Variants in MAP1B observed in about 807,000 individuals in gnomAD.
MAP1B encodes microtubule associated protein 1B.
Under a neutral mutation model 176.1 loss-of-function variants are expected in MAP1B, and 12 were observed. The observed-to-expected ratio is 0.07, with a 90% CI of 0.04 to 0.11. MAP1B has a LOEUF of 0.11. MAP1B is among the 10% of genes least tolerant of loss of function. The pLI, the probability that MAP1B is intolerant of heterozygous loss-of-function variation, is 1.00. For synonymous variants in MAP1B, 1,044 were observed against 1,135.0 expected, an observed-to-expected ratio of 0.92 and a Z score of 1.61; for missense variants, 2,523 against 2,990.5, an observed-to-expected ratio of 0.84 and a Z score of 3.65.
At position 72,191,616 on chromosome 5, in the gene MAP1B, G is replaced by A. The variant is rs1297781987; in HGVS notation, c.511-2250G>A. Among the ~76,000 whole-genome samples, 4 of 152,232 alleles carry A rather than the reference G, an allele frequency of 2.6e-5. No homozygotes were observed. In the East Asian group the frequency reaches 5.8e-4, roughly 22 times the overall value. The stretch of plus-strand genomic sequence containing the variant: ...AATTCCATCTGTCTGTTTTATGACT[G>A]AGGGCTCTGTCCAGCCCTGTCTCTG... On this transcript the variant is annotated intron_variant, in intron 4 of 6. Transcript: ENST00000296755.
chr5:72,176,075 T>A (rs1047127055), intron 2 of MAP1B, among the ~76,000 whole-genome samples: 4 of 152,184 alleles, frequency 2.6e-5, no homozygotes, highest in African/African-American at 9.7e-5. Context: ...AGAAAAGAAA[T>A]GTCATTTCTA....
chr5:72,183,707 A>G (rs1746830960), intron 2 of MAP1B, 36 bp from the exon 3 acceptor site: 1 of 1,560,742 alleles, frequency 6.4e-7, no homozygotes, highest in Admixed American at 1.7e-5. Context: ...GAAAAGCTAA[A>G]GGTCTCCTCT....
At chr5:72,111,713 C>T (rs1009054870) in intron 1 of MAP1B, among the ~76,000 whole-genome samples, 3 of 152,166 alleles carry the variant, frequency 2.0e-5, no homozygotes, top group Admixed American at 1.3e-4. Context: ...TGCTGAAACA[C>T]AAGGCAGTCC....
chr5:72,143,194 A>C (rs2112156220), intron 2 of MAP1B, among the ~76,000 whole-genome samples: 1 of 152,354 alleles, frequency 6.6e-6, no homozygotes, highest in African/African-American at 2.4e-5. Context: ...TTCCCAGAGA[A>C]GAAAATGTGA....
chr5:72,142,320 TCTG>T (rs1195174254), intron 2 of MAP1B, among the ~76,000 whole-genome samples: 1 of 152,192 alleles, frequency 6.6e-6, no homozygotes, highest in Non-Finnish European at 1.5e-5. Context: ...TGCTATGGGA[TCTG>T]CTCTGCCTGT....
chr5:72,132,804 C>A (rs148895373), intron 2 of MAP1B, among the ~76,000 whole-genome samples: 7 of 152,274 alleles, frequency 4.6e-5, no homozygotes, highest in Non-Finnish European at 8.8e-5. Context: ...ATTTTTTCCA[C>A]CAAATCTCAA....
At position 72,121,545 on chromosome 5, in the gene MAP1B, C is replaced by G. The variant is rs1207034132; in HGVS notation, c.286+5746C>G. ...TGTGCTGAGTGATTGCTAAAAACAT[C>G]TTGCCTGGAGATTGGTTTTCGATGG... On this transcript the variant is annotated intron_variant, in intron 2 of 6. Coordinates refer to ENST00000296755, the MANE Select transcript of MAP1B (RefSeq NM_005909.5). Among the ~76,000 whole-genome samples, 6 of 152,232 alleles carry G rather than the reference C, an allele frequency of 3.9e-5. No individual in the cohort carries two copies. In the East Asian group the frequency reaches 1.2e-3, roughly 29 times the overall value.
At chr5:72,164,734 C>T (rs1363887906) in intron 2 of MAP1B, among the ~76,000 whole-genome samples, 2 of 152,158 alleles carry the variant, frequency 1.3e-5, no homozygotes, top group South Asian at 2.1e-4. Flanking sequence ...TCTGCATATC[C>T]TCAGGGACAG....
intron 2 of MAP1B, among the ~76,000 whole-genome samples, chr5:72,163,916 C>CTTTTTTTTTTTT: frequency 1.0e-5 from 1 of 97,102 alleles, no homozygotes; most frequent in Admixed American, 1.3e-4. Flanking sequence ...CTCTCTCTCT[C>CTTTTTTTTTTTT]TTTTTTTTTT....
intron 4 of MAP1B, among the ~76,000 whole-genome samples, chr5:72,190,656 A>G (rs2112225777): frequency 6.6e-6 from 1 of 152,340 alleles, no homozygotes; most frequent in Non-Finnish European, 1.5e-5. Flanking sequence ...CCAAGTGAAT[A>G]CAGGCCAGAA....
chr5:72,180,097 A>G (rs1746734576), intron 2 of MAP1B, among the ~76,000 whole-genome samples: 1 of 152,074 alleles, frequency 6.6e-6, no homozygotes, highest in Non-Finnish European at 1.5e-5. Flanking sequence ...TCGCCTGGAC[A>G]TGGGTGTTGA....
chr5:72,205,034 G>A (rs188531487), intron 6 of MAP1B, 50 bp from the exon 7 acceptor site: 1 of 1,504,542 alleles, frequency 6.6e-7, no homozygotes, highest in South Asian at 1.3e-5. Flanking sequence ...TTTTTCATAT[G>A]GTTTCTGTTT....
chr5:72,120,060 C>T (rs1227825806), intron 2 of MAP1B, among the ~76,000 whole-genome samples: 1 of 152,120 alleles, frequency 6.6e-6, no homozygotes, highest in Non-Finnish European at 1.5e-5. Flanking sequence ...AGGATATCTC[C>T]CAGGGGTTGT....
Position 72,115,811 on chromosome 5 carries a change from G to T in MAP1B, c.286+12G>T. 1.9e-6 allele frequency: 3 copies of T among 1,582,488 alleles called. No homozygotes were observed. The highest frequency in any genetic ancestry group is 2.6e-6 in the Non-Finnish European group (3 of 1,151,374). ...TCCTGAAGTCCCAGGTGAGGCTTCC[G>T]CTCAGTGTTGGTCAGCCTAGAATTC... On this transcript the variant is annotated intron_variant, in intron 2 of 6. Coordinates refer to ENST00000296755, the MANE Select transcript of MAP1B (RefSeq NM_005909.5).
chr5:72,201,243 G>A (rs1391727330), intron 5 of MAP1B, among the ~76,000 whole-genome samples: 1 of 80,456 alleles, frequency 1.2e-5, no homozygotes. Context: ...GTGGTGGCAC[G>A]TGCTTATAGT....
rs1401604742 is a variant in MAP1B at position 72,198,174 on chromosome 5, T to A, written c.4819T>A (p.Ser1607Thr). 3.1e-6 allele frequency: 5 copies of A among 1,614,080 alleles called. No individual in the cohort carries two copies. In the Admixed American group the frequency reaches 6.7e-5, roughly 22 times the overall value. ...TPTTFQETEM[S>T]PSKEECPRPM... ...TACCACATTCCAGGAAACAGAAATG[T>A]CTCCATCTAAAGAAGAATGCCCAAG... Residue 1607 changes from serine (S) to threonine (T), a missense_variant, in exon 5 of 7, where the codon TCT (serine) becomes ACT (threonine). Transcript: ENST00000296755.
intron 4 of MAP1B, among the ~76,000 whole-genome samples, chr5:72,192,187 CT>C (rs1434918477): frequency 1.3e-5 from 2 of 152,202 alleles, no homozygotes; most frequent in Non-Finnish European, 2.9e-5. Flanking sequence ...GATCTAGAGA[CT>C]TTTAATTGTG....
intron 2 of MAP1B, among the ~76,000 whole-genome samples, chr5:72,139,818 G>C (rs1745913655): frequency 1.3e-5 from 2 of 152,196 alleles, no homozygotes; most frequent in South Asian, 4.1e-4. Flanking sequence ...ATCTGTGGTA[G>C]AGATGGTTTT....
At chr5:72,137,135 C>G (rs1745853337) in intron 2 of MAP1B, among the ~76,000 whole-genome samples, 2 of 152,190 alleles carry the variant, frequency 1.3e-5, no homozygotes, top group Admixed American at 1.3e-4. Flanking sequence ...TCAGTTTATT[C>G]ATAAGGATGG....
Sources: allele counts gnomAD v4.1 joint callset (sites outside exome capture counted in the v4.1 genomes callset), GRCh38; gene constraint gnomAD v4.1.1; transcripts MANE v1.5; gene names NCBI Gene and HGNC (gene_info 2026-07-23, HGNC 2026-07-21).